The following ABCC11 variants were observed in gnomAD, a reference collection of about 807,000 sequenced individuals.
ABCC11 encodes the protein ATP-binding cassette sub-family C member 11.
Under a neutral mutation model 149.3 loss-of-function variants are expected in ABCC11, and 135 were observed. That is an observed-to-expected ratio of 0.90 (90% CI 0.79 to 1.04). The LOEUF (loss-of-function observed/expected upper bound fraction) is 1.04, where lower values mean the gene tolerates loss of function less well. Ranked by LOEUF, ABCC11 falls within the 50% of genes least tolerant of loss-of-function variation. The probability of loss-of-function intolerance (pLI) is 0.00; values close to 1 mark genes in which losing one functional copy is unlikely to be tolerated. For missense variants in ABCC11, 1,680 were observed against 1,722.1 expected, an observed-to-expected ratio of 0.98 and a Z score of 0.43; for synonymous variants, 665 against 671.4, an observed-to-expected ratio of 0.99 and a Z score of 0.15.
At chr16:48,183,413 C>CTT (rs1966564068) in intron 23 of ABCC11, among the ~76,000 whole-genome samples, 1 of 152,242 alleles carries the variant, frequency 6.6e-6, no homozygotes, top group Non-Finnish European at 1.5e-5. Flanking sequence ...AGAGGGATTC[C>CTT]GGCCTTGAGG....
intron 15 of ABCC11, 21 bp from the exon 16 acceptor site, chr16:48,198,296 A>G: frequency 6.2e-7 from 1 of 1,611,840 alleles, no homozygotes; most frequent in Non-Finnish European, 8.5e-7. Context: ...AAAAGAAAGA[A>G]AGGCTTCAGT....
intron 2 of ABCC11, 151 bp downstream of exon 2, chr16:48,231,672 A>C: frequency 8.5e-7 from 1 of 1,173,366 alleles, no homozygotes; most frequent in Non-Finnish European, 1.1e-6. Context: ...AAAAAAAAAA[A>C]AAAAGAGAGA....
chr16:48,204,158 G>A (rs1968239472), intron 13 of ABCC11, among the ~76,000 whole-genome samples: 1 of 152,184 alleles, frequency 6.6e-6, no homozygotes, highest in Non-Finnish European at 1.5e-5. Flanking sequence ...ACCTAACAGT[G>A]AATTTGCTGA....
At chr16:48,223,873 C>G (rs1185486682) in intron 5 of ABCC11, among the ~76,000 whole-genome samples, 4 of 152,168 alleles carry the variant, frequency 2.6e-5, no homozygotes, top group African/African-American at 7.2e-5. Context: ...TGTGCTGAGC[C>G]AGGCCATGTT....
rs1257283607 is a variant in ABCC11, at chr16:48,215,049, T to C, written c.1100-20A>G. The C allele has an allele frequency of 6.2e-7, 1 of 1,611,940 alleles. No individual in the cohort carries two copies. Among genetic ancestry groups the C allele is most frequent in the East Asian group, 2.2e-5 (1 of 44,844 alleles). On this transcript the variant is annotated intron_variant, in intron 8 of 29. Transcript: ENST00000356608. ...TTAGGTCTGGGAAATAAAAAAGAAA[T>C]ACACCAAAGATAACCACAAGAACAT...
intron 11 of ABCC11, 123 bp downstream of exon 11, chr16:48,210,825 G>A (rs940417837): frequency 2.3e-6 from 3 of 1,320,532 alleles, no homozygotes; most frequent in Non-Finnish European, 2.0e-6. Context: ...TGAATTTTAA[G>A]GGGAGAGATC....
intron 23 of ABCC11, among the ~76,000 whole-genome samples, chr16:48,183,461 G>A (rs977933103): frequency 2.0e-5 from 3 of 152,338 alleles, no homozygotes; most frequent in Admixed American, 6.5e-5. Flanking sequence ...TACAGAACCC[G>A]TTTTAAAAAT....
At chr16:48,186,688 T>C (rs1966764298) in intron 22 of ABCC11, among the ~76,000 whole-genome samples, 1 of 152,258 alleles carries the variant, frequency 6.6e-6, no homozygotes, top group Non-Finnish European at 1.5e-5. Context: ...TCATTAAATG[T>C]ATGTATACAT....
intron 12 of ABCC11, among the ~76,000 whole-genome samples, chr16:48,206,241 T>C (rs1245373519): frequency 6.6e-6 from 1 of 152,212 alleles, no homozygotes; most frequent in Non-Finnish European, 1.5e-5. Context: ...AATGTTATCA[T>C]GGTTAGGCAG....
At chr16:48,190,164 A>G (rs1339037393) in intron 20 of ABCC11, among the ~76,000 whole-genome samples, 1 of 152,058 alleles carries the variant, frequency 6.6e-6, no homozygotes, top group East Asian at 1.9e-4. Flanking sequence ...TAAACTTTAC[A>G]TATCTACGAC....
intron 1 of ABCC11, among the ~76,000 whole-genome samples, chr16:48,244,929 C>A (rs1971272612): frequency 6.6e-6 from 1 of 152,150 alleles, no homozygotes; most frequent in Non-Finnish European, 1.5e-5. Context: ...CTTCAGCCTC[C>A]TAGGCCAGTG....
In ABCC11 at chr16:48,200,268, G is replaced by T; in HGVS notation, c.2082+8C>A. ...CAATCACAGTCAGAGCCCTGGAAGG[G>T]TGCTAACCTGCAGCTGGTGGGTCAC... On this transcript the variant is annotated splice_region_variant and intron_variant, in intron 15 of 29. Transcript: ENST00000356608. The T allele has an allele frequency of 6.2e-7, 1 of 1,613,514 alleles. No homozygotes were observed. The highest frequency in any genetic ancestry group is 8.5e-7 in the Non-Finnish European group (1 of 1,179,660).
chr16:48,205,812 C>CTTTT (rs5816589), intron 12 of ABCC11, among the ~76,000 whole-genome samples: 7 of 141,018 alleles, frequency 5.0e-5, no homozygotes, highest in Middle Eastern at 7.6e-3. Context: ...GTTTTTTCCT[C>CTTTT]TTTTTTTTTT....
chr16:48,211,207 G>C lies in ABCC11; in HGVS notation c.1357-8C>G. 6.2e-7 allele frequency: 1 copy of C among 1,607,834 alleles called. No homozygotes were observed. The highest frequency in any genetic ancestry group is 8.5e-7 in the Non-Finnish European group (1 of 1,178,050). On this transcript the variant is annotated splice_polypyrimidine_tract_variant and splice_region_variant and intron_variant, in intron 10 of 29. Transcript: ENST00000356608. ...CTCCTGGAGGAAAAACTTCTGTAAA[G>C]ACAGAAAAAAATAGAGGGAGGAGGA...
intron 1 of ABCC11, among the ~76,000 whole-genome samples, chr16:48,241,114 T>C (rs1446500009): frequency 6.6e-6 from 1 of 152,138 alleles, no homozygotes; most frequent in Non-Finnish European, 1.5e-5. Context: ...TTCTGTATTT[T>C]TAATAGAAAC....
chr16:48,211,842 A>G (rs2150863443), intron 10 of ABCC11, among the ~76,000 whole-genome samples: 1 of 152,338 alleles, frequency 6.6e-6, no homozygotes, highest in African/African-American at 2.4e-5. Context: ...ACAAGGGTTG[A>G]ACTACATAAA....
chr16:48,241,002 T>C (rs1970939825), intron 1 of ABCC11, among the ~76,000 whole-genome samples: 1 of 152,086 alleles, frequency 6.6e-6, no homozygotes, highest in Admixed American at 6.5e-5. Context: ...TGGCCTGATC[T>C]CAGCTCACTG....
chr16:48,199,850 T>A (rs1322892566), intron 15 of ABCC11, among the ~76,000 whole-genome samples: 1 of 151,836 alleles, frequency 6.6e-6, no homozygotes, highest in Admixed American at 6.6e-5. Context: ...TTTTTTTAAA[T>A]TTTTGTAGAG....
chr16:48,198,082 C>T lies in ABCC11; in HGVS notation c.2218-15G>A, dbSNP rs748605447. ...TGCAACATGTCCTGGGGAGAGAGCA[C>T]AGGCCCTGAGTACACGTGCGTCCAC... On this transcript the variant is annotated splice_polypyrimidine_tract_variant and intron_variant, in intron 16 of 29. Coordinates refer to ENST00000356608, the MANE Select transcript of ABCC11 (RefSeq NM_001370497.1). 1.2e-6 allele frequency: 2 copies of T among 1,614,208 alleles called. No individual in the cohort carries two copies. The highest frequency in any genetic ancestry group is 1.7e-6 in the Non-Finnish European group (2 of 1,180,040).
Sources: allele counts gnomAD v4.1 joint callset (sites outside exome capture counted in the v4.1 genomes callset), GRCh38; gene constraint gnomAD v4.1.1; transcripts MANE v1.5; gene names NCBI Gene and HGNC (gene_info 2026-07-23, HGNC 2026-07-21).